OSBPL1A: variants seen among roughly 807,000 people sequenced by gnomAD.
The protein encoded by OSBPL1A is oxysterol binding protein like 1A, also known as oxysterol-binding protein-related protein 1.
In OSBPL1A, 80 loss-of-function variants were observed where a neutral mutation model predicts 137.1. That is an observed-to-expected ratio of 0.58 (90% CI 0.49 to 0.70). OSBPL1A has a LOEUF of 0.70. OSBPL1A is among the 30% of genes least tolerant of loss of function. The probability of loss-of-function intolerance (pLI) is 0.00; values close to 1 mark genes in which losing one functional copy is unlikely to be tolerated. For missense variants in OSBPL1A, 970 were observed against 1,129.4 expected, an observed-to-expected ratio of 0.86 and a Z score of 2.02; for synonymous variants, 365 against 389.7, an observed-to-expected ratio of 0.94 and a Z score of 0.75.
intron 18 of OSBPL1A, among the ~76,000 whole-genome samples, chr18:24,185,962 G>A (rs1370440946): frequency 1.3e-5 from 2 of 152,088 alleles, no homozygotes; most frequent in African/African-American, 4.8e-5. Flanking sequence ...CAGCTTCTTG[G>A]GAGGCCGAGG....
chr18:24,217,795 T>C (rs193240764), intron 17 of OSBPL1A, among the ~76,000 whole-genome samples: 10 of 152,264 alleles, frequency 6.6e-5, no homozygotes, highest in Admixed American at 1.3e-4. Context: ...TGCTCTCTGA[T>C]TGATGTCATA....
intron 15 of OSBPL1A, among the ~76,000 whole-genome samples, chr18:24,276,466 A>G (rs1209791442): frequency 4.0e-5 from 6 of 151,166 alleles, no homozygotes; most frequent in Non-Finnish European, 8.8e-5. Context: ...TTTTTGAGAC[A>G]GAGCTCTTGT....
intron 14 of OSBPL1A, among the ~76,000 whole-genome samples, chr18:24,291,973 T>G (rs914884795): frequency 5.3e-5 from 8 of 152,134 alleles, no homozygotes; most frequent in Non-Finnish European, 7.4e-5. Flanking sequence ...TAATCCCAGC[T>G]ACTCAGGAGG....
intron 4 of OSBPL1A, 43 bp from the exon 5 acceptor site, chr18:24,341,701 T>G (rs1200724056): frequency 2.2e-6 from 3 of 1,357,134 alleles, no homozygotes; most frequent in Non-Finnish European, 3.1e-6. Flanking sequence ...AGCTAAGATT[T>G]TATTGCATTA....
intron 9 of OSBPL1A, 123 bp downstream of exon 9, chr18:24,318,478 A>G: frequency 1.2e-6 from 1 of 827,234 alleles, no homozygotes; most frequent in Non-Finnish European, 1.9e-6. Flanking sequence ...TTTACATTAT[A>G]CGATCCAAGA....
chr18:24,264,427 C>T (rs77306179), intron 15 of OSBPL1A, among the ~76,000 whole-genome samples: 7 of 152,068 alleles, frequency 4.6e-5, no homozygotes, highest in Non-Finnish European at 8.8e-5. Flanking sequence ...AAGGGTGTAA[C>T]GCCAACTTAT....
chr18:24,372,000 G>T (rs1281120710), intron 2 of OSBPL1A, among the ~76,000 whole-genome samples: 1 of 152,202 alleles, frequency 6.6e-6, no homozygotes, highest in Non-Finnish European at 1.5e-5. Context: ...CTTCAGCCGG[G>T]CATGGTGGCT....
In OSBPL1A at chr18:24,199,397, A is replaced by C. The variant is rs116588222; in HGVS notation, c.1602-3197T>G. Among the ~76,000 whole-genome samples, 1,205 of 150,720 alleles carry C rather than the reference A, an allele frequency of 8.0e-3. 12 individuals are homozygous for C. Among genetic ancestry groups the C allele is most frequent in the African/African-American group, 0.028 (1,148 of 40,926 alleles). ...TGCCCCCAGCTCCCCCGGCTCCCCC[A>C]GCTGCTATGCACTTCAGCCTGCTTC... On this transcript the variant is annotated intron_variant, in intron 17 of 27. Coordinates refer to ENST00000319481, the MANE Select transcript of OSBPL1A (RefSeq NM_080597.4).
rs532478229 is a variant in OSBPL1A, at chr18:24,250,708, C to T, written c.1282-11326G>A. 2.0e-5 allele frequency among the ~76,000 whole-genome samples: 3 copies of T among 152,272 alleles called. No individual in the cohort carries two copies. In the East Asian group the frequency reaches 5.8e-4, roughly 29 times the overall value. ...CTGTGGTGGCTATGGTCAAAGACTC[C>T]TCTTTGAAAAAAGCAGAGGGAAAGG... is the stretch of plus-strand genomic sequence containing the variant. On this transcript the variant is annotated intron_variant, in intron 15 of 27. Coordinates refer to ENST00000319481, the MANE Select transcript of OSBPL1A (RefSeq NM_080597.4).
At chr18:24,355,235 G>A (rs1164768627) in intron 4 of OSBPL1A, among the ~76,000 whole-genome samples, 1 of 151,736 alleles carries the variant, frequency 6.6e-6, no homozygotes, top group Non-Finnish European at 1.5e-5. Context: ...CACTTATTAA[G>A]GCTCACGCCT....
chr18:24,377,020 A>T (rs1368838533), intron 2 of OSBPL1A, among the ~76,000 whole-genome samples: 1 of 152,216 alleles, frequency 6.6e-6, no homozygotes, highest in Non-Finnish European at 1.5e-5. Flanking sequence ...TGGCCAGCAC[A>T]GAAAGGGGCT....
chr18:24,296,232 G>T (rs1002210955), intron 14 of OSBPL1A, among the ~76,000 whole-genome samples: 1 of 152,084 alleles, frequency 6.6e-6, no homozygotes, highest in Admixed American at 6.5e-5. Context: ...CCTTGGCTAA[G>T]CACATTCCTA....
chr18:24,336,660 A>C (rs1377150943), intron 5 of OSBPL1A, among the ~76,000 whole-genome samples: 1 of 152,220 alleles, frequency 6.6e-6, no homozygotes, highest in Admixed American at 6.5e-5. Context: ...GTATCACTCT[A>C]AACTGTCTTT....
intron 17 of OSBPL1A, among the ~76,000 whole-genome samples, chr18:24,221,845 T>G (rs1204508039): frequency 6.6e-6 from 1 of 152,234 alleles, no homozygotes; most frequent in Non-Finnish European, 1.5e-5. Context: ...TGTGACTTTT[T>G]TAAAGCTACT....
chr18:24,196,947 G>T (rs2087051771), intron 17 of OSBPL1A, among the ~76,000 whole-genome samples: 1 of 152,154 alleles, frequency 6.6e-6, no homozygotes, highest in African/African-American at 2.4e-5. Context: ...AGGCCTGGTG[G>T]GCAGGGAGCC....
intron 1 of OSBPL1A, among the ~76,000 whole-genome samples, chr18:24,390,689 C>T (rs1267832433): frequency 4.8e-4 from 39 of 81,984 alleles, no homozygotes; most frequent in East Asian, 1.5e-3. Context: ...AGTGCGACTC[C>T]GTCTCAAAAA....
chr18:24,207,998 G>A (rs8091692), intron 17 of OSBPL1A, among the ~76,000 whole-genome samples: 83,525 of 151,910 alleles, frequency 0.55, 22,998 homozygotes, highest in East Asian at 0.71. Context: ...ACTCACCTCA[G>A]CCTCCCAAAG....
chr18:24,241,704 G>C (rs144568345), intron 15 of OSBPL1A, among the ~76,000 whole-genome samples: 199 of 152,288 alleles, frequency 1.3e-3, no homozygotes, highest in African/African-American at 4.7e-3. Flanking sequence ...CAACCATTGT[G>C]GAAGACAGTG....
chr18:24,335,830 G>T (rs2091166056), intron 5 of OSBPL1A, among the ~76,000 whole-genome samples: 1 of 152,206 alleles, frequency 6.6e-6, no homozygotes, highest in Non-Finnish European at 1.5e-5. Context: ...ATTGAATCCA[G>T]CAACTGCTGA....
Sources: gnomAD v4.1 joint callset for allele counts (sites outside exome capture counted in the v4.1 genomes callset) on GRCh38, gnomAD v4.1.1 for gene constraint, MANE v1.5 for transcripts, NCBI Gene and HGNC (gene_info 2026-07-23, HGNC 2026-07-21) for gene names.